Variants in KDM1B observed in about 807,000 individuals in gnomAD.
KDM1B encodes the protein lysine-specific histone demethylase 2.
KDM1B carries 63 observed loss-of-function variants against 107.4 expected under a neutral mutation model. The ratio of observed to expected loss-of-function variants is 0.59; its 90% confidence interval spans 0.48 to 0.72. The LOEUF (loss-of-function observed/expected upper bound fraction) is 0.72, where lower values mean the gene tolerates loss of function less well. Ranked by LOEUF, KDM1B falls within the 30% of genes least tolerant of loss-of-function variation. The pLI, the probability that KDM1B is intolerant of heterozygous loss-of-function variation, is 0.00. For synonymous variants in KDM1B, 363 were observed against 363.9 expected, an observed-to-expected ratio of 1.00 and a Z score of 0.03; for missense variants, 749 against 1,020.8, an observed-to-expected ratio of 0.73 and a Z score of 3.63.
rs1360377644 is a variant in KDM1B, at chr6:18,223,497, T to A, written c.*1505T>A. ...TGCTTTAAAGTATCATGTATTAAAA[T>A]GTTTAGACAGCATGTGTTTTAAAGT... On this transcript the variant is annotated 3_prime_UTR_variant, in exon 22 of 22. Coordinates refer to ENST00000650836, the MANE Select transcript of KDM1B (RefSeq NM_001364614.2). 1.3e-5 allele frequency: 2 copies of A among 152,160 alleles called. No homozygotes were observed. 9.4% of individuals were successfully genotyped at this position (152,160 alleles called of 1,614,324 possible).
chr6:18,166,623 C>G (rs752228204), intron 6 of KDM1B, among the ~76,000 whole-genome samples: 5 of 151,924 alleles, frequency 3.3e-5, no homozygotes, highest in Non-Finnish European at 2.9e-5. Flanking sequence ...GGTGGGAAGA[C>G]TGCTTTGCGC....
chr6:18,165,986 A>G (rs1369944013), intron 5 of KDM1B, among the ~76,000 whole-genome samples: 1 of 152,212 alleles, frequency 6.6e-6, no homozygotes, highest in Non-Finnish European at 1.5e-5. Flanking sequence ...CAGCCTGAGC[A>G]ACATAGCAAC....
intron 10 of KDM1B, among the ~76,000 whole-genome samples, chr6:18,194,384 T>A (rs1787508120): frequency 6.6e-6 from 1 of 152,084 alleles, no homozygotes; most frequent in Non-Finnish European, 1.5e-5. Context: ...GTCAGTAGGA[T>A]CAGCAGCCTG....
chr6:18,205,386 A>G lies in KDM1B; in HGVS notation c.1532-151A>G. 3.6e-6 allele frequency: 2 copies of G among 560,174 alleles called. No homozygotes were observed. The highest frequency in any genetic ancestry group is 5.9e-6 in the Non-Finnish European group (2 of 336,892). The allele number at this position is 560,174 out of a possible 1,614,324, so 34.7% of individuals were successfully genotyped here. On this transcript the variant is annotated intron_variant, in intron 14 of 21. Coordinates refer to ENST00000650836, the MANE Select transcript of KDM1B (RefSeq NM_001364614.2). This position sits in a 1 kb window ranked among gnomAD's most constrained non-coding sequence, Gnocchi z 5.7. The stretch of plus-strand genomic sequence containing the variant: ...TCTCTTCCTGAGAGAAATGGACCTT[A>G]TCAAGAGATCTTTTCCCCTCTGACT...
intron 21 of KDM1B, among the ~76,000 whole-genome samples, chr6:18,221,451 T>C (rs1162017232): frequency 2.6e-5 from 4 of 151,378 alleles, no homozygotes; most frequent in Non-Finnish European, 4.4e-5. Context: ...CTCACTCACA[T>C]TGTCTTTTTC....
Position 18,213,796 on chromosome 6 carries a change from G to T in KDM1B, c.2109+15G>T, listed in dbSNP as rs1265458470. The stretch of plus-strand genomic sequence containing the variant: ...TGGATCCCCAGGTAAAATCATTCGT[G>T]AACTGTGGTTTGAATTTCCGTCTTA... On this transcript the variant is annotated intron_variant, in intron 19 of 21. Transcript: ENST00000650836. The surrounding 1 kb of genome is among the most constrained non-coding windows in gnomAD (Gnocchi z 5.9). The T allele has an allele frequency of 6.2e-7, 1 of 1,613,730 alleles. No homozygotes were observed. Among genetic ancestry groups the T allele is most frequent in the Admixed American group, 1.7e-5 (1 of 59,988 alleles).
chr6:18,219,566 A>G (rs2151053754), intron 21 of KDM1B, among the ~76,000 whole-genome samples: 1 of 152,144 alleles, frequency 6.6e-6, no homozygotes, highest in Non-Finnish European at 1.5e-5. Context: ...TCTTGTTACA[A>G]CTTGTTTCTA....
rs906549729 is a variant in KDM1B, at chr6:18,213,549, C to T, written c.1984-107C>T. On this transcript the variant is annotated intron_variant, in intron 18 of 21. Transcript: ENST00000650836. The surrounding 1 kb of genome is among the most constrained non-coding windows in gnomAD (Gnocchi z 5.9). Reference sequence around the variant, plus strand: ...AGAGCGGTATTTGGGGTTGTTCTTTCGGGCAGTGTCTTTGTTTTAGAGTAG... The same window carrying T: ...AGAGCGGTATTTGGGGTTGTTCTTTTGGGCAGTGTCTTTGTTTTAGAGTAG... 232 of 1,112,754 alleles carry T rather than the reference C, an allele frequency of 2.1e-4. 1 individual carries two copies. Among genetic ancestry groups the T allele is most frequent in the South Asian group, 1.2e-3 (84 of 70,814 alleles). The allele number at this position is 1,112,754 out of a possible 1,614,324, so 68.9% of individuals were successfully genotyped here. A position where few individuals can be genotyped will look rare whatever the true frequency, so the allele number is the denominator to read the frequency against.
At chr6:18,194,536 C>G (rs1362436149) in intron 10 of KDM1B, among the ~76,000 whole-genome samples, 2 of 152,170 alleles carry the variant, frequency 1.3e-5, no homozygotes, top group African/African-American at 4.8e-5. Flanking sequence ...TCTTTTTCCC[C>G]ACTGGGCAAA....
chr6:18,163,040 C>T, intron 5 of KDM1B, 116 bp downstream of exon 5: 1 of 658,724 alleles, frequency 1.5e-6, no homozygotes, highest in Non-Finnish European at 2.8e-6. Context: ...TCAGCTCTTT[C>T]AGCCATGCCT....
intron 6 of KDM1B, among the ~76,000 whole-genome samples, chr6:18,167,959 A>G (rs538543097): frequency 6.7e-6 from 1 of 150,214 alleles, no homozygotes; most frequent in Non-Finnish European, 1.5e-5. Context: ...ACAGGACTCG[A>G]TATCTTGCCC....
Position 18,197,018 on chromosome 6 carries a change from T to G in KDM1B, c.970-39T>G, listed in dbSNP as rs113149511. The G allele has an allele frequency of 1.9e-5, 29 of 1,555,736 alleles. No individual in the cohort carries two copies. The African/African-American group carries it at 2.9e-4, about 15-fold the overall frequency. ...TGCTATTGTTTGAATTTCTTGGGACTTTTTTAAAAAAGCAGTTTGGTTTTA... is the reference window on the plus strand; with the variant it reads ...TGCTATTGTTTGAATTTCTTGGGACGTTTTTAAAAAAGCAGTTTGGTTTTA... On this transcript the variant is annotated intron_variant, in intron 10 of 21. Coordinates refer to ENST00000650836, the MANE Select transcript of KDM1B (RefSeq NM_001364614.2). The surrounding 1 kb of genome is among the most constrained non-coding windows in gnomAD (Gnocchi z 4.5).
rs1343551749 is a variant in KDM1B at position 18,209,031 on chromosome 6, A to AT, written c.1866+832dup. Among the ~76,000 whole-genome samples the AT allele has an allele frequency of 1.3e-5, 2 of 152,012 alleles. No homozygotes were observed. Among genetic ancestry groups the AT allele is most frequent in the African/African-American group, 2.4e-5 (1 of 41,394 alleles). On this transcript the variant is annotated intron_variant, in intron 17 of 21. Transcript: ENST00000650836. This position sits in a 1 kb window ranked among gnomAD's most constrained non-coding sequence, Gnocchi z 4.3. ...TTTACTTTTATTCTGTGCTCTCCAC[A>AT]TTTTTTTAAACCACGGAATCCTTCT... is the stretch of plus-strand genomic sequence containing the variant.
rs568287096 is a variant in KDM1B, at chr6:18,212,389, G to A, written c.1867-99G>A. 1.1e-5 allele frequency: 9 copies of A among 804,340 alleles called. No individual in the cohort carries two copies. The highest frequency in any genetic ancestry group is 2.4e-5 in the East Asian group (1 of 41,210). The allele number at this position is 804,340 out of a possible 1,614,324, so 49.8% of individuals were successfully genotyped here. On this transcript the variant is annotated intron_variant, in intron 17 of 21. Coordinates refer to ENST00000650836, the MANE Select transcript of KDM1B (RefSeq NM_001364614.2). The surrounding 1 kb of genome is among the most constrained non-coding windows in gnomAD (Gnocchi z 5.2). The stretch of plus-strand genomic sequence containing the variant: ...TGCACAGTTGCACATGGCAGCCCTT[G>A]TTCTTGCCAGTATAACAGCATGGGT...
intron 5 of KDM1B, among the ~76,000 whole-genome samples, chr6:18,163,568 G>A (rs928471932): frequency 7.2e-5 from 11 of 152,000 alleles, no homozygotes; most frequent in South Asian, 2.1e-4. Flanking sequence ...GTTTTTAAAT[G>A]CCATAAATTT....
chr6:18,221,821 T>A, intron 21 of KDM1B, 88 bp from the exon 22 acceptor site: 1 of 1,044,890 alleles, frequency 9.6e-7, no homozygotes, highest in Middle Eastern at 2.1e-4. Context: ...ATCTTTATGT[T>A]AGACCAGATA....
Position 18,221,993 on chromosome 6 carries a change from G to T in KDM1B, c.*1G>T. 6.2e-7 allele frequency: 1 copy of T among 1,613,730 alleles called. No homozygotes were observed. Among genetic ancestry groups the T allele is most frequent in the East Asian group, 2.2e-5 (1 of 44,878 alleles). ...AGCAAGCAAGATTGCAGCATTTTAA[G>T]AATTCGGTGGACCCAGCTTTCTTCT... On this transcript the variant is annotated 3_prime_UTR_variant, in exon 22 of 22. Coordinates refer to ENST00000650836, the MANE Select transcript of KDM1B (RefSeq NM_001364614.2).
intron 8 of KDM1B, 24 bp downstream of exon 8, chr6:18,185,834 A>G: frequency 6.2e-7 from 1 of 1,605,988 alleles, no homozygotes; most frequent in Non-Finnish European, 8.5e-7. Context: ...GATGGTGTGG[A>G]TTGGGGTTAA....
intron 21 of KDM1B, among the ~76,000 whole-genome samples, chr6:18,220,560 G>C (rs949693234): frequency 6.6e-6 from 1 of 151,974 alleles, no homozygotes; most frequent in African/African-American, 2.4e-5. Context: ...CAAAACAAAA[G>C]AATGACATCT....
Sources: gnomAD v4.1 joint callset for allele counts (sites outside exome capture counted in the v4.1 genomes callset) on GRCh38, gnomAD v4.1.1 for gene constraint, Gnocchi (gnomAD v3.1) non-coding constraint, MANE v1.5 for transcripts, NCBI Gene and HGNC (gene_info 2026-07-23, HGNC 2026-07-21) for gene names.